Variants in PPP1R36 observed in about 807,000 individuals in gnomAD.
PPP1R36 encodes the protein chromosome 14 open reading frame 50.
A neutral mutation model predicts 53.4 loss-of-function variants in PPP1R36; 47 were observed. The ratio of observed to expected loss-of-function variants is 0.88; its 90% CI spans 0.70 to 1.12. The LOEUF is 1.12. Among genes scored for constraint, PPP1R36 ranks in the 50% most tolerant of loss-of-function variants. The pLI is 0.00. For missense variants in PPP1R36, 456 were observed against 513.9 expected (o/e 0.89, Z 1.09); for synonymous variants, 153 against 170.5 (o/e 0.90, Z 0.80).
intron 8 of PPP1R36, among the ~76,000 whole-genome samples, chr14:64,577,662 T>A (rs2080353528): frequency 6.6e-6 from 1 of 151,978 alleles, no homozygotes; most frequent in Admixed American, 6.6e-5. Flanking sequence ...TCTTGGTGTC[T>A]GCTTCTGATA....
Position 64,589,314 on chromosome 14 carries a change from C to T in PPP1R36, c.1245C>T (p.Ser415=), listed in dbSNP as rs754987916. ...DTLDLVMKTL[S]SHTSCPK ...TGGACTTGGTCATGAAAACACTGTCCTCTCATACATCATGCCCTAAGTAAC... is the reference window on the plus strand; with the variant it reads ...TGGACTTGGTCATGAAAACACTGTCTTCTCATACATCATGCCCTAAGTAAC... Residue 415 remains serine, a synonymous_variant, in exon 12 of 12, where the codon TCC becomes TCT. Transcript: ENST00000298705. 17 of 1,613,302 alleles carry T rather than the reference C, an allele frequency of 1.1e-5. No individual in the cohort carries two copies. The highest frequency in any genetic ancestry group is 1.4e-5 in the Non-Finnish European group (17 of 1,179,374).
At chr14:64,557,605 A>G (rs7149587) in intron 3 of PPP1R36, among the ~76,000 whole-genome samples, 54,255 of 152,122 alleles carry the variant, frequency 0.36, 10,297 homozygotes, top group African/African-American at 0.48. Context: ...TTTGTACATT[A>G]CAATTGGCTT....
chr14:64,554,254 C>T (rs2080126795), intron 3 of PPP1R36, among the ~76,000 whole-genome samples: 1 of 146,182 alleles, frequency 6.8e-6, no homozygotes, highest in Non-Finnish European at 1.5e-5. Context: ...CGGGTTCAAG[C>T]GATTCTCTTG....
At chr14:64,561,873 A>C in intron 3 of PPP1R36, 1 of 455,204 alleles carries the variant, frequency 2.2e-6, no homozygotes, top group Admixed American at 2.4e-5. Flanking sequence ...CATAAAACCA[A>C]GGAAACCCTA....
chr14:64,587,214 A>C lies in PPP1R36; in HGVS notation c.732A>C (p.Thr244=). The C allele has an allele frequency of 6.2e-7, 1 of 1,610,522 alleles. No individual in the cohort carries two copies. The highest frequency in any genetic ancestry group is 2.2e-5 in the East Asian group (1 of 44,832). Residue 244 remains threonine (T), a synonymous_variant, in exon 10 of 12, where the codon ACA becomes ACC. Coordinates refer to ENST00000298705, the MANE Select transcript of PPP1R36 (RefSeq NM_172365.3). ...TGTAGTCCTTTTATACTTTCTGTAC[A>C]TATGTGGCTTGGATTGTCTTCCGAC... ...KFFESFYTFC[T]YVAWIVFRRQ... is the part of the protein sequence containing the mutation.
intron 3 of PPP1R36, among the ~76,000 whole-genome samples, chr14:64,558,964 T>C (rs902322860): frequency 6.6e-6 from 1 of 152,164 alleles, no homozygotes. Context: ...TCAGTAGGTT[T>C]ACCAGTGAAT....
intron 3 of PPP1R36, among the ~76,000 whole-genome samples, chr14:64,557,981 C>G (rs1055699627): frequency 1.5e-5 from 2 of 136,136 alleles, no homozygotes; most frequent in Non-Finnish European, 3.2e-5. Context: ...TGCACTCCAG[C>G]CTGGGTGAAA....
chr14:64,577,775 G>C (rs10130755), intron 8 of PPP1R36, among the ~76,000 whole-genome samples: 24,133 of 132,792 alleles, frequency 0.18, 2,335 homozygotes, highest in East Asian at 0.26. Flanking sequence ...ACCCAGGCTG[G>C]AGTGCAGTGG....
At chr14:64,570,469 G>A (rs760329479) in intron 7 of PPP1R36, among the ~76,000 whole-genome samples, 55 of 151,876 alleles carry the variant, frequency 3.6e-4, no homozygotes, top group Non-Finnish European at 6.5e-4. Context: ...GCGACAGAGC[G>A]AGACTCCGCC....
intron 8 of PPP1R36, among the ~76,000 whole-genome samples, chr14:64,575,626 T>C (rs1183535967): frequency 6.6e-6 from 1 of 151,858 alleles, no homozygotes; most frequent in Admixed American, 6.6e-5. Context: ...TGCTAGATTG[T>C]TCTCTATAAA....
At chr14:64,553,005 C>T (rs1045071381) in intron 3 of PPP1R36, 144 bp downstream of exon 3, 8 of 613,174 alleles carry the variant, frequency 1.3e-5, no homozygotes, top group Admixed American at 2.6e-5. Flanking sequence ...GAGTCTCACT[C>T]CTGTTGCCCA....
intron 3 of PPP1R36, among the ~76,000 whole-genome samples, chr14:64,557,907 G>A (rs1485119776): frequency 6.6e-6 from 1 of 152,226 alleles, no homozygotes; most frequent in African/African-American, 2.4e-5. Flanking sequence ...TACTCAGGAG[G>A]CTGAGGCAGG....
At chr14:64,577,157 G>T (rs1483670485) in intron 8 of PPP1R36, among the ~76,000 whole-genome samples, 1 of 152,228 alleles carries the variant, frequency 6.6e-6, no homozygotes, top group Non-Finnish European at 1.5e-5. Flanking sequence ...CACCATGGCA[G>T]AAAGAGGATG....
chr14:64,567,951 G>A (rs1198105162), intron 6 of PPP1R36, among the ~76,000 whole-genome samples: 2 of 152,182 alleles, frequency 1.3e-5, no homozygotes, highest in African/African-American at 4.8e-5. Context: ...ACTGTGCCTG[G>A]CCCATACCAA....
intron 3 of PPP1R36, chr14:64,559,506 AGGT>A (rs1566649740): frequency 6.6e-6 from 1 of 152,310 alleles, no homozygotes. Context: ...TTCCCAAGGA[AGGT>A]GATATCTAAG....
At chr14:64,550,221 T>TA in intron 1 of PPP1R36, 155 bp downstream of exon 1, 3 of 1,360,006 alleles carry the variant, frequency 2.2e-6, no homozygotes, top group South Asian at 1.7e-5. Context: ...CATATTTGCC[T>TA]AGAAAAAAAA....
intron 8 of PPP1R36, among the ~76,000 whole-genome samples, chr14:64,585,516 CAAAAAAAAA>C (rs57102182): frequency 2.7e-5 from 3 of 109,160 alleles, no homozygotes. Context: ...GACCCTGTCT[CAAAAAAAAA>C]AAAAAAAAAA....
intron 9 of PPP1R36, 86 bp from the exon 10 acceptor site, chr14:64,587,108 T>A: frequency 1.9e-6 from 2 of 1,069,340 alleles, no homozygotes; most frequent in Non-Finnish European, 2.7e-6. Context: ...TCTGGGTTTG[T>A]GTCTGCTTAG....
rs545018578 is a variant in PPP1R36 at position 64,588,590 on chromosome 14, C to G, written c.1082+295C>G. The G allele has an allele frequency of 2.2e-5, 6 of 276,578 alleles. No homozygotes were observed. The East Asian group carries it at 3.7e-4, about 17-fold the overall frequency. 17.1% of individuals were successfully genotyped at this position (276,578 alleles called of 1,614,324 possible). ...TTTTTTTTTTTTTGAGACGGAGTCC[C>G]TCTCTTGTTGCCCAGGCTGGAGTGC... On this transcript the variant is annotated intron_variant, in intron 11 of 11. Coordinates refer to ENST00000298705, the MANE Select transcript of PPP1R36 (RefSeq NM_172365.3).
Sources: allele counts gnomAD v4.1 joint callset (sites outside exome capture counted in the v4.1 genomes callset), GRCh38; gene constraint gnomAD v4.1.1; transcripts MANE v1.5; gene names NCBI Gene and HGNC (gene_info 2026-07-23, HGNC 2026-07-21).